Variants in GOLM2 observed in about 807,000 individuals in gnomAD.
GOLM2 encodes protein GOLM2.
Under a neutral mutation model 55.9 loss-of-function variants are expected in GOLM2, and 26 were observed. The ratio of observed to expected loss-of-function variants is 0.47; its 90% CI spans 0.34 to 0.65. GOLM2 has a LOEUF of 0.65. Ranked by LOEUF, GOLM2 falls within the 30% of genes least tolerant of loss-of-function variation. The probability of loss-of-function intolerance (pLI) is 0.01; values close to 1 mark genes in which losing one functional copy is unlikely to be tolerated. For missense variants in GOLM2, 486 were observed against 531.8 expected (o/e 0.91, Z 0.85); for synonymous variants, 165 against 194.6 (o/e 0.85, Z 1.27).
At chr15:44,338,637 C>G (rs748665346) in intron 6 of GOLM2, among the ~76,000 whole-genome samples, 1 of 152,156 alleles carries the variant, frequency 6.6e-6, no homozygotes, top group Non-Finnish European at 1.5e-5. Context: ...ATGCATGGCT[C>G]TTTTCTTTCC....
At chr15:44,392,677 A>C (rs1052643790) in intron 8 of GOLM2, among the ~76,000 whole-genome samples, 2 of 152,134 alleles carry the variant, frequency 1.3e-5, no homozygotes, top group African/African-American at 4.8e-5. Flanking sequence ...CCAGAGATAG[A>C]TAAAAATTAT....
At chr15:44,341,879 G>A (rs961193726) in intron 6 of GOLM2, among the ~76,000 whole-genome samples, 1 of 151,690 alleles carries the variant, frequency 6.6e-6, no homozygotes, top group East Asian at 1.9e-4. Context: ...TGTATTTTTA[G>A]TAGAGACGGG....
chr15:44,361,945 C>T (rs1010188218), intron 6 of GOLM2, among the ~76,000 whole-genome samples: 3 of 152,184 alleles, frequency 2.0e-5, no homozygotes, highest in South Asian at 2.1e-4. Flanking sequence ...ACAAAAACCA[C>T]GTGATTATCT....
chr15:44,364,904 C>T (rs1300571158), intron 6 of GOLM2, among the ~76,000 whole-genome samples: 5 of 152,068 alleles, frequency 3.3e-5, no homozygotes, highest in East Asian at 1.9e-4. Flanking sequence ...CTGGCAAGGA[C>T]GTGGAACAAA....
At chr15:44,307,447 C>A (rs554412498) in intron 1 of GOLM2, 1 of 152,188 alleles carries the variant, frequency 6.6e-6, no homozygotes, top group Non-Finnish European at 1.5e-5. Flanking sequence ...CTCCTGACCT[C>A]GTGATCCGCC....
chr15:44,344,211 G>T (rs144310047), intron 6 of GOLM2, among the ~76,000 whole-genome samples: 2,958 of 148,910 alleles, frequency 0.02, 40 homozygotes, highest in Middle Eastern at 0.064. Flanking sequence ...AGTGAGCAGA[G>T]ATCACACCAC....
chr15:44,402,752 C>T, intron 8 of GOLM2, 135 bp from the exon 9 acceptor site: 1 of 679,826 alleles, frequency 1.5e-6, no homozygotes, highest in Non-Finnish European at 2.4e-6. Flanking sequence ...ATAACCTTCA[C>T]AAAATGTATC....
At chr15:44,383,884 G>C (rs559325871) in intron 8 of GOLM2, among the ~76,000 whole-genome samples, 1 of 151,706 alleles carries the variant, frequency 6.6e-6, no homozygotes, top group East Asian at 1.9e-4. Context: ...TCGTTCTGTT[G>C]TCCAGACTGG....
intron 1 of GOLM2, among the ~76,000 whole-genome samples, chr15:44,315,858 T>C (rs2141124320): frequency 6.6e-6 from 1 of 152,276 alleles, no homozygotes; most frequent in South Asian, 2.1e-4. Context: ...GGGAAATAAA[T>C]GAAGGCGCTC....
chr15:44,290,911 C>T (rs2078716512), intron 1 of GOLM2, among the ~76,000 whole-genome samples: 1 of 151,976 alleles, frequency 6.6e-6, no homozygotes, highest in Non-Finnish European at 1.5e-5. Context: ...TCAAGCAATT[C>T]TCCTGCTTCA....
chr15:44,337,895 C>A lies in GOLM2; in HGVS notation c.709C>A (p.Pro237Thr). The change falls in exon 5 of 10, where the codon CCA (proline) becomes ACA (threonine). Residue 237 changes from proline to threonine, a missense_variant. By Grantham distance (38) the Pro-to-Thr change is conservative. Transcript: ENST00000299957. ...TGAAGAACCCTCAAGCAATCATATT[C>A]CACATGGGAAAGGTATTATTGTTAT... ...KNEEPSSNHI[P>T]HGKEQIKRGG... 1.3e-6 allele frequency: 2 copies of A among 1,592,306 alleles called. No individual in the cohort carries two copies. The highest frequency in any genetic ancestry group is 1.2e-5 in the South Asian group (1 of 85,938).
intron 9 of GOLM2, chr15:44,406,963 T>C (rs991873632): frequency 1.6e-4 from 24 of 151,686 alleles, no homozygotes; most frequent in South Asian, 4.1e-4. Flanking sequence ...ATATTAATCA[T>C]TGGGGTCAGC....
chr15:44,410,024 CTTAAT>C (rs1356663617), intron 9 of GOLM2, among the ~76,000 whole-genome samples: 6 of 151,798 alleles, frequency 4.0e-5, no homozygotes, highest in African/African-American at 7.3e-5. Context: ...TAAGTCTTAT[CTTAAT>C]TTAATCATTA....
intron 4 of GOLM2, among the ~76,000 whole-genome samples, chr15:44,336,680 G>T (rs535070989): frequency 6.6e-6 from 1 of 152,036 alleles, no homozygotes; most frequent in African/African-American, 2.4e-5. Context: ...ACTTTGGGAG[G>T]CCGAGGTTGG....
At chr15:44,398,933 T>A (rs960423909) in intron 8 of GOLM2, among the ~76,000 whole-genome samples, 3 of 151,682 alleles carry the variant, frequency 2.0e-5, no homozygotes, top group Non-Finnish European at 4.4e-5. Context: ...CTCCCAAAAT[T>A]CTGGGATTAC....
At chr15:44,396,366 A>AT (rs1244015274) in intron 8 of GOLM2, among the ~76,000 whole-genome samples, 1 of 151,616 alleles carries the variant, frequency 6.6e-6, no homozygotes, top group Non-Finnish European at 1.5e-5. Context: ...AAAAAAAAAA[A>AT]TTTTTTTTTA....
chr15:44,380,810 A>G lies in GOLM2; in HGVS notation c.906A>G (p.Ser302=), dbSNP rs1595659359. The G allele has an allele frequency of 4.0e-6, 6 of 1,506,476 alleles. No homozygotes were observed. In the African/African-American group the frequency reaches 7.0e-5, roughly 18 times the overall value. The allele number at this position is 1,506,476 out of a possible 1,614,324, so 93.3% of individuals were successfully genotyped here. The change falls in exon 8 of 10, where the codon TCA becomes TCG. Residue 302 remains serine, a synonymous_variant. Transcript: ENST00000299957. The part of the protein sequence containing the change: ...QPLSPNMPPD[S]HINHNGNPGT... Reference sequence around the variant, plus strand: ...TTTGATGTTTTTATGCCACAGATTCACACATAAACCACAATGGAAACCCCG... The same window carrying G: ...TTTGATGTTTTTATGCCACAGATTCGCACATAAACCACAATGGAAACCCCG...
intron 8 of GOLM2, among the ~76,000 whole-genome samples, chr15:44,390,869 C>G (rs370452501): frequency 1.3e-5 from 2 of 152,128 alleles, no homozygotes; most frequent in African/African-American, 4.8e-5. Flanking sequence ...ATGCTCAGCC[C>G]CCTTTTCTAA....
chr15:44,360,796 G>C (rs372328464), intron 6 of GOLM2, among the ~76,000 whole-genome samples: 20 of 152,188 alleles, frequency 1.3e-4, no homozygotes, highest in South Asian at 8.3e-4. Flanking sequence ...TGACCACATA[G>C]TTGGAAGTAA....
Sources: allele counts gnomAD v4.1 joint callset (sites outside exome capture counted in the v4.1 genomes callset), GRCh38; gene constraint gnomAD v4.1.1; transcripts MANE v1.5; gene names NCBI Gene and HGNC (gene_info 2026-07-23, HGNC 2026-07-21).